Variants in SOBP observed in about 807,000 individuals in gnomAD.
The protein encoded by SOBP is sine oculis binding protein homolog, also known as sine oculis-binding protein homolog.
SOBP carries 4 observed loss-of-function variants against 53.6 expected under a neutral mutation model. The observed-to-expected ratio is 0.07, with a 90% CI of 0.04 to 0.17. The LOEUF (loss-of-function observed/expected upper bound fraction) is 0.17, where lower values mean the gene tolerates loss of function less well. Among genes scored for constraint, SOBP ranks in the 10% least tolerant of loss-of-function variants. The probability of loss-of-function intolerance (pLI) is 1.00; values close to 1 mark genes in which losing one functional copy is unlikely to be tolerated. For missense variants in SOBP, 1,088 were observed against 1,204.7 expected (o/e 0.90, Z 1.43); for synonymous variants, 584 against 522.6 (o/e 1.12, Z -1.60).
intron 4 of SOBP, among the ~76,000 whole-genome samples, chr6:107,552,785 T>G (rs1431575324): frequency 6.6e-6 from 1 of 151,846 alleles, no homozygotes; most frequent in Non-Finnish European, 1.5e-5. Flanking sequence ...TGATCAGGGG[T>G]GGTGGTGTGT....
chr6:107,519,627 T>G (rs191734364), intron 3 of SOBP, among the ~76,000 whole-genome samples: 45 of 152,344 alleles, frequency 3.0e-4, no homozygotes, highest in Admixed American at 8.5e-4. Context: ...AAACCAGCAG[T>G]GTAGGGGATT....
At chr6:107,648,365 C>T (rs1264304031) in intron 6 of SOBP, among the ~76,000 whole-genome samples, 2 of 151,998 alleles carry the variant, frequency 1.3e-5, no homozygotes, top group Non-Finnish European at 2.9e-5. Flanking sequence ...TCTCTAAATT[C>T]ATCTAGGATT....
chr6:107,506,754 A>G (rs774436944), intron 3 of SOBP, among the ~76,000 whole-genome samples: 1 of 152,282 alleles, frequency 6.6e-6, no homozygotes, highest in Admixed American at 6.5e-5. Flanking sequence ...TAAAATATAG[A>G]CAATGACTGT....
chr6:107,514,867 G>C (rs931652111), intron 3 of SOBP: 3 of 152,178 alleles, frequency 2.0e-5, no homozygotes, highest in Non-Finnish European at 4.4e-5. Context: ...TAATTGAACA[G>C]ATATAAAGCA....
At chr6:107,500,560 C>T (rs925260741) in intron 1 of SOBP, among the ~76,000 whole-genome samples, 14 of 151,410 alleles carry the variant, frequency 9.2e-5, no homozygotes, top group Admixed American at 3.3e-4. Flanking sequence ...CTCTCTCTGT[C>T]GCCCAGGCTG....
At chr6:107,517,437 C>T (rs1314367458) in intron 3 of SOBP, among the ~76,000 whole-genome samples, 1 of 152,150 alleles carries the variant, frequency 6.6e-6, no homozygotes, top group East Asian at 1.9e-4. Context: ...AGAGCAGGCT[C>T]TCTGCTGTCT....
chr6:107,554,267 G>T (rs1784545237), intron 4 of SOBP, among the ~76,000 whole-genome samples: 1 of 152,208 alleles, frequency 6.6e-6, no homozygotes, highest in South Asian at 2.1e-4. Flanking sequence ...TCTGCAGTTT[G>T]TCCAGTACTT....
At chr6:107,640,303 G>A (rs373422897) in intron 6 of SOBP, among the ~76,000 whole-genome samples, 1 of 152,216 alleles carries the variant, frequency 6.6e-6, no homozygotes, top group Non-Finnish European at 1.5e-5. Context: ...AAAACTGAGA[G>A]TGACAAAAGG....
chr6:107,538,924 G>A (rs1784077412), intron 4 of SOBP, among the ~76,000 whole-genome samples: 2 of 152,188 alleles, frequency 1.3e-5, no homozygotes. Flanking sequence ...GAAGGTTCTG[G>A]CTAGTGAAGT....
intron 5 of SOBP, among the ~76,000 whole-genome samples, chr6:107,619,876 C>A (rs574511402): frequency 6.6e-6 from 1 of 152,074 alleles, no homozygotes; most frequent in African/African-American, 2.4e-5. Flanking sequence ...GGGAGTATTA[C>A]GGGATTAGGC....
intron 4 of SOBP, among the ~76,000 whole-genome samples, chr6:107,556,505 A>C (rs1458064305): frequency 6.6e-6 from 1 of 152,240 alleles, no homozygotes; most frequent in Non-Finnish European, 1.5e-5. Context: ...ATCACACCTG[A>C]AACCAAATCA....
chr6:107,585,873 A>T (rs1583240338), intron 4 of SOBP, among the ~76,000 whole-genome samples: 1 of 152,360 alleles, frequency 6.6e-6, no homozygotes, highest in South Asian at 2.1e-4. Flanking sequence ...AGTGACACTC[A>T]TCAGGGCAGA....
chr6:107,648,744 TC>T (rs1481453890), intron 6 of SOBP, among the ~76,000 whole-genome samples: 3 of 151,820 alleles, frequency 2.0e-5, no homozygotes, highest in African/African-American at 7.2e-5. Context: ...AAGCTGGACT[TC>T]CATCCACCTT....
At chr6:107,584,710 C>G (rs1455167886) in intron 4 of SOBP, among the ~76,000 whole-genome samples, 4 of 152,108 alleles carry the variant, frequency 2.6e-5, no homozygotes, top group African/African-American at 4.8e-5. Flanking sequence ...TCCACTGCTA[C>G]TTTATTTAAC....
intron 5 of SOBP, among the ~76,000 whole-genome samples, chr6:107,600,046 AGC>A (rs1327421564): frequency 1.3e-5 from 2 of 152,250 alleles, no homozygotes; most frequent in African/African-American, 2.4e-5. Context: ...TGGGACAATA[AGC>A]TGCCTATTAT....
At chr6:107,637,462 A>G (rs1475931172) in intron 6 of SOBP, among the ~76,000 whole-genome samples, 3 of 152,250 alleles carry the variant, frequency 2.0e-5, no homozygotes, top group African/African-American at 7.2e-5. Flanking sequence ...TTACATCTAC[A>G]AGTTCTGCTG....
chr6:107,660,857 T>C lies in SOBP; in HGVS notation c.*2654T>C, dbSNP rs1319342522. On this transcript the variant is annotated 3_prime_UTR_variant, in exon 7 of 7. Coordinates refer to ENST00000317357, the MANE Select transcript of SOBP (RefSeq NM_018013.4). ...TAAAATCTGAGGCACCACGAGCAGC[T>C]CCCTTGAAGTGATCATCCTGTGGAT... Among the ~76,000 whole-genome samples the C allele has an allele frequency of 6.6e-6, 1 of 152,190 alleles. No homozygotes were observed. Among genetic ancestry groups the C allele is most frequent in the East Asian group, 1.9e-4 (1 of 5,194 alleles).
chr6:107,556,308 T>C (rs1784608187), intron 4 of SOBP, among the ~76,000 whole-genome samples: 1 of 152,224 alleles, frequency 6.6e-6, no homozygotes, highest in African/African-American at 2.4e-5. Context: ...AAATCAGTGC[T>C]TTGTCCTTGA....
At chr6:107,560,122 A>G (rs1429546449) in intron 4 of SOBP, among the ~76,000 whole-genome samples, 4 of 152,140 alleles carry the variant, frequency 2.6e-5, no homozygotes, top group Non-Finnish European at 4.4e-5. Context: ...TCTCTCCTCT[A>G]GTTTGTCTGG....
Sources: gnomAD v4.1 joint callset for allele counts (sites outside exome capture counted in the v4.1 genomes callset) on GRCh38, gnomAD v4.1.1 for gene constraint, MANE v1.5 for transcripts, NCBI Gene and HGNC (gene_info 2026-07-23, HGNC 2026-07-21) for gene names.